Variants in VDAC1 observed in about 807,000 individuals in gnomAD.
VDAC1 encodes the protein non-selective voltage-gated ion channel VDAC1.
VDAC1 carries 10 observed loss-of-function variants against 34.7 expected under a neutral mutation model. The ratio of observed to expected loss-of-function variants is 0.29; its 90% CI spans 0.18 to 0.49. The LOEUF (loss-of-function observed/expected upper bound fraction) is 0.49. VDAC1 is among the 20% of genes least tolerant of loss of function. The probability of loss-of-function intolerance (pLI) is 0.99; values close to 1 mark genes in which losing one functional copy is unlikely to be tolerated. For missense variants in VDAC1, 230 were observed against 347.9 expected, an observed-to-expected ratio of 0.66 and a Z score of 2.69; for synonymous variants, 130 against 136.0, an observed-to-expected ratio of 0.96 and a Z score of 0.30.
At chr5:134,018,855 A>G in the VDAC1 span, among the ~76,000 whole-genome samples, 1 of 152,218 alleles carries the variant, frequency 6.6e-6, no homozygotes, top group Non-Finnish European at 1.5e-5. Context: ...AGGGAGCCCC[A>G]GTAAAAACTC....
the VDAC1 span, among the ~76,000 whole-genome samples, chr5:134,073,310 C>G: frequency 6.6e-6 from 1 of 152,178 alleles, no homozygotes; most frequent in Non-Finnish European, 1.5e-5. Context: ...TCCCAAAGTC[C>G]TTAAACCAGG....
At chr5:133,981,563 G>A (rs557590122) in intron 5 of VDAC1, among the ~76,000 whole-genome samples, 1 of 152,268 alleles carries the variant, frequency 6.6e-6, no homozygotes, top group South Asian at 2.1e-4. Flanking sequence ...GCAGTCATGG[G>A]GGCCAGGAAG....
the VDAC1 span, chr5:134,082,140 T>C: frequency 2.0e-5 from 3 of 152,368 alleles, no homozygotes; most frequent in Admixed American, 1.3e-4. Flanking sequence ...TTTACACCCG[T>C]GCAGCTATTA....
chr5:134,097,381 C>T, the VDAC1 span, among the ~76,000 whole-genome samples: 1 of 152,196 alleles, frequency 6.6e-6, no homozygotes, highest in South Asian at 2.1e-4. Context: ...GCTCTGTTTG[C>T]CTCTAACTTA....
At chr5:133,987,982 C>T (rs1752965993) in intron 5 of VDAC1, among the ~76,000 whole-genome samples, 1 of 152,114 alleles carries the variant, frequency 6.6e-6, no homozygotes, top group Non-Finnish European at 1.5e-5. Context: ...AACTGAGGGA[C>T]ATCTTAACAA....
the VDAC1 span, among the ~76,000 whole-genome samples, chr5:134,068,259 C>G: frequency 6.6e-6 from 1 of 151,948 alleles, no homozygotes; most frequent in Non-Finnish European, 1.5e-5. Context: ...TTGTTTTATA[C>G]ACAAGGATTA....
chr5:133,974,469 G>A (rs1204791772), intron 7 of VDAC1, among the ~76,000 whole-genome samples: 1 of 152,074 alleles, frequency 6.6e-6, no homozygotes, highest in Non-Finnish European at 1.5e-5. Context: ...CGGGGCGGGG[G>A]GAATTATCAA....
the VDAC1 span, among the ~76,000 whole-genome samples, chr5:134,081,039 C>CTT: frequency 1.9e-4 from 27 of 140,882 alleles, no homozygotes; most frequent in South Asian, 4.6e-4. Context: ...CTATGCCTAA[C>CTT]TTTTTTTTTT....
intron 1 of VDAC1, among the ~76,000 whole-genome samples, chr5:134,002,325 C>G (rs76589451): frequency 0.035 from 5,299 of 152,212 alleles, 368 homozygotes; most frequent in East Asian, 0.32. Context: ...TCTAGAATAG[C>G]AAAAATAAAA....
At chr5:134,099,850 T>A in the VDAC1 span, among the ~76,000 whole-genome samples, 7 of 152,370 alleles carry the variant, frequency 4.6e-5, no homozygotes, top group South Asian at 1.2e-3. Context: ...CTCAAAGTGC[T>A]GGGATTGTGG....
At chr5:134,017,264 C>T in the VDAC1 span, among the ~76,000 whole-genome samples, 4 of 151,752 alleles carry the variant, frequency 2.6e-5, no homozygotes, top group South Asian at 2.1e-4. Context: ...GTCAGGAGTT[C>T]GAGACCAGCC....
chr5:134,055,724 G>A, the VDAC1 span, among the ~76,000 whole-genome samples: 1 of 137,304 alleles, frequency 7.3e-6, no homozygotes, highest in South Asian at 2.6e-4. Context: ...CACCGCGCCC[G>A]GCTGCTTATT....
chr5:134,062,846 C>T, the VDAC1 span, among the ~76,000 whole-genome samples: 1 of 151,662 alleles, frequency 6.6e-6, no homozygotes, highest in African/African-American at 2.4e-5. Context: ...AGGCTGGTCT[C>T]GAAGCCCTGA....
intron 1 of VDAC1, among the ~76,000 whole-genome samples, chr5:133,995,687 G>GA (rs1753272825): frequency 6.6e-6 from 1 of 152,160 alleles, no homozygotes; most frequent in Non-Finnish European, 1.5e-5. Context: ...AGGAAGGCCC[G>GA]AGACAGCTCT....
At chr5:134,053,073 C>T in the VDAC1 span, among the ~76,000 whole-genome samples, 3 of 152,102 alleles carry the variant, frequency 2.0e-5, no homozygotes, top group Non-Finnish European at 4.4e-5. Flanking sequence ...TGAGATAGCG[C>T]CATTGCACTC....
chr5:134,101,756 A>G, the VDAC1 span, among the ~76,000 whole-genome samples: 1,074 of 152,290 alleles, frequency 7.1e-3, 18 homozygotes, highest in African/African-American at 0.024. Context: ...ACCTTGTGCC[A>G]TCCCTCACTG....
rs550127748 is a variant in VDAC1 at position 133,990,696 on chromosome 5, G to A, written c.323+159C>T. ...TCTGTTAGTGCATAGATGTGGATAC[G>A]ACCCCTGGGACCAAATCAAAACCAG... On this transcript the variant is annotated intron_variant, in intron 5 of 8. Transcript: ENST00000265333. 6.6e-5 allele frequency among the ~76,000 whole-genome samples: 10 copies of A among 152,222 alleles called. No homozygotes were observed. In the East Asian group the frequency reaches 1.2e-3, roughly 18 times the overall value.
At chr5:133,982,581 C>A (rs977200144) in intron 5 of VDAC1, among the ~76,000 whole-genome samples, 1 of 151,690 alleles carries the variant, frequency 6.6e-6, no homozygotes, top group Non-Finnish European at 1.5e-5. Flanking sequence ...ACTAAAGAAC[C>A]AACCTGTTAT....
chr5:134,100,818 C>G, the VDAC1 span, among the ~76,000 whole-genome samples: 93 of 152,338 alleles, frequency 6.1e-4, no homozygotes, highest in Middle Eastern at 6.8e-3. Flanking sequence ...CAGCCAGGCC[C>G]CTTGACTTTC....
Sources: gnomAD v4.1 joint callset for allele counts (sites outside exome capture counted in the v4.1 genomes callset) on GRCh38, gnomAD v4.1.1 for gene constraint, MANE v1.5 for transcripts, NCBI Gene and HGNC (gene_info 2026-07-23, HGNC 2026-07-21) for gene names.